Variants in LRRK1 observed in about 807,000 individuals in gnomAD.
The protein encoded by LRRK1 is leucine rich repeat kinase 1.
In LRRK1, 113 loss-of-function variants were observed where a neutral mutation model predicts 209.1. The ratio of observed to expected loss-of-function variants is 0.54; its 90% CI spans 0.46 to 0.63. The LOEUF (loss-of-function observed/expected upper bound fraction) is 0.63, where lower values mean the gene tolerates loss of function less well. Among genes scored for constraint, LRRK1 ranks in the 30% least tolerant of loss-of-function variants. The pLI is 0.00. For synonymous variants in LRRK1, 1,144 were observed against 1,099.7 expected (o/e 1.04, Z -0.80); for missense variants, 2,284 against 2,632.2 (o/e 0.87, Z 2.89).
intron 2 of LRRK1, among the ~76,000 whole-genome samples, chr15:100,931,235 T>C (rs1217787131): frequency 2.0e-5 from 3 of 152,224 alleles, no homozygotes; most frequent in Non-Finnish European, 4.4e-5. Context: ...CTAATGCTGC[T>C]GGGGTTGTGC....
chr15:101,032,076 T>A (rs923005004), intron 20 of LRRK1, among the ~76,000 whole-genome samples: 2 of 152,210 alleles, frequency 1.3e-5, no homozygotes, highest in Non-Finnish European at 2.9e-5. Flanking sequence ...TGATTTTAGC[T>A]ATTCCAGTGG....
At chr15:101,036,406 A>G (rs1168703673) in intron 20 of LRRK1, among the ~76,000 whole-genome samples, 1 of 151,932 alleles carries the variant, frequency 6.6e-6, no homozygotes, top group Non-Finnish European at 1.5e-5. Context: ...AATGTATTTT[A>G]TATTTCACTC....
intron 26 of LRRK1, 144 bp downstream of exon 26, chr15:101,053,564 T>C (rs2035609964): frequency 2.8e-6 from 2 of 721,808 alleles, no homozygotes; most frequent in Non-Finnish European, 2.2e-6. Context: ...ATCCCCTGGC[T>C]GCGAGGCCAG....
chr15:101,048,387 TG>T, intron 21 of LRRK1, 106 bp from the exon 22 acceptor site: 1 of 946,530 alleles, frequency 1.1e-6, no homozygotes, highest in Non-Finnish European at 1.6e-6. Context: ...GTGGGAAAGA[TG>T]GGGGACATTT....
In LRRK1 at chr15:100,945,305, G is replaced by A. The variant is rs146324412; in HGVS notation, c.97+20576G>A. Among the ~76,000 whole-genome samples, 431 of 152,182 alleles carry A rather than the reference G, an allele frequency of 2.8e-3. 4 individuals carry two copies. Among genetic ancestry groups the A allele is most frequent in the African/African-American group, 0.01 (419 of 41,516 alleles). On this transcript the variant is annotated intron_variant, in intron 2 of 33. Transcript: ENST00000388948. The stretch of plus-strand genomic sequence containing the variant: ...AACATGTGTGCGTGTCTGTTTCCCA[G>A]TGGCTGACAAGTATTTATTACCAAA...
chr15:101,067,744 A>G (rs1456932187), intron 33 of LRRK1, among the ~76,000 whole-genome samples: 3 of 152,212 alleles, frequency 2.0e-5, no homozygotes, highest in Non-Finnish European at 4.4e-5. Flanking sequence ...GAGCTCTGGC[A>G]GAGCCTGTGG....
At chr15:100,975,649 A>G (rs2031250647) in intron 3 of LRRK1, among the ~76,000 whole-genome samples, 1 of 152,256 alleles carries the variant, frequency 6.6e-6, no homozygotes, top group Non-Finnish European at 1.5e-5. Context: ...GTAAAATTAT[A>G]GTTCCAAAAA....
At chr15:100,994,428 T>C (rs908665677) in intron 6 of LRRK1, among the ~76,000 whole-genome samples, 23 of 152,144 alleles carry the variant, frequency 1.5e-4, no homozygotes, top group Admixed American at 1.0e-3. Context: ...TCCAGGTGAT[T>C]CCAATGTGCA....
rs1021952132 is a variant in LRRK1, at chr15:101,072,895, G to A, written c.*4047G>A. The stretch of plus-strand genomic sequence containing the variant: ...CAGCCTTGTTGCTCACACAAAGCCT[G>A]TTTGGTGGTCTCTTCACATGGACGT... On this transcript the variant is annotated 3_prime_UTR_variant, in exon 34 of 34. Transcript: ENST00000388948. 6.6e-6 allele frequency: 1 copy of A among 152,498 alleles called. No individual in the cohort carries two copies. The highest frequency in any genetic ancestry group is 2.4e-5 in the African/African-American group (1 of 41,194). The allele number at this position is 152,498 out of a possible 1,614,324, so 9.4% of individuals were successfully genotyped here. A position where few individuals can be genotyped will look rare whatever the true frequency, so the allele number is the denominator to read the frequency against.
At chr15:101,065,197 C>A in intron 31 of LRRK1, 155 bp from the exon 32 acceptor site, 1 of 773,598 alleles carries the variant, frequency 1.3e-6, no homozygotes, top group Non-Finnish European at 2.1e-6. Flanking sequence ...TAGGAGTAGC[C>A]CCGGCCTTTC....
chr15:100,985,412 T>A (rs1446520273), intron 4 of LRRK1, among the ~76,000 whole-genome samples: 1 of 152,128 alleles, frequency 6.6e-6, no homozygotes, highest in Non-Finnish European at 1.5e-5. Flanking sequence ...AGACAGATAA[T>A]TTTTTTAAAG....
chr15:101,026,016 A>G lies in LRRK1; in HGVS notation c.2284A>G (p.Ile762Val). ...VLVVGTHLDL[I>V]EAKFRVERIA... ...GGTGGTCGGGACGCACCTGGATTTA[A>G]TTGAAGCCAAGTTCCGTGTGGAAAG... The change falls in exon 17 of 34, where the codon ATT becomes GTT. Residue 762 changes from isoleucine to valine, a missense_variant. Around this residue, in one of 6 missense-constraint regions of LRRK1, gnomAD observed 780 missense variants for 985.2 expected, o/e 0.79. Coordinates refer to ENST00000388948, the MANE Select transcript of LRRK1 (RefSeq NM_024652.6). 1 of 1,614,250 alleles carries G rather than the reference A, an allele frequency of 6.2e-7. No homozygotes were observed. The highest frequency in any genetic ancestry group is 8.5e-7 in the Non-Finnish European group (1 of 1,180,048).
At chr15:101,054,900 CA>C (rs1396912544) in intron 26 of LRRK1, 45 bp from the exon 27 acceptor site, 2 of 1,491,470 alleles carry the variant, frequency 1.3e-6, no homozygotes, top group Non-Finnish European at 1.8e-6. Flanking sequence ...TTGATTCTAT[CA>C]AAACTGAAAT....
intron 9 of LRRK1, among the ~76,000 whole-genome samples, chr15:101,011,116 G>A (rs1417142191): frequency 6.6e-6 from 1 of 152,060 alleles, no homozygotes; most frequent in Non-Finnish European, 1.5e-5. Flanking sequence ...CCCTGGCACA[G>A]GACGACTCAT....
At chr15:100,936,682 A>G (rs1300208197) in intron 2 of LRRK1, among the ~76,000 whole-genome samples, 4 of 152,092 alleles carry the variant, frequency 2.6e-5, no homozygotes, top group African/African-American at 4.8e-5. Flanking sequence ...GGCTGCTTCT[A>G]TGGGGCAACT....
rs182233462 is a variant in LRRK1 at position 100,933,257 on chromosome 15, C to G, written c.97+8528C>G. Among the ~76,000 whole-genome samples, 4 of 152,286 alleles carry G rather than the reference C, an allele frequency of 2.6e-5. No homozygotes were observed. In the East Asian group the frequency reaches 7.7e-4, roughly 29 times the overall value. ...CCTGGTTTTCCCTTTCAGAAGCTTT[C>G]AGAATCTTCCCTGTGTGCTTGGTCT... On this transcript the variant is annotated intron_variant, in intron 2 of 33. Coordinates refer to ENST00000388948, the MANE Select transcript of LRRK1 (RefSeq NM_024652.6).
chr15:101,062,230 G>A (rs1263196143), intron 30 of LRRK1, among the ~76,000 whole-genome samples: 1 of 152,252 alleles, frequency 6.6e-6, no homozygotes, highest in East Asian at 1.9e-4. Context: ...GAAGAACAGT[G>A]AGAAGACAGC....
At chr15:100,951,406 C>G (rs1326604519) in intron 2 of LRRK1, among the ~76,000 whole-genome samples, 1 of 152,096 alleles carries the variant, frequency 6.6e-6, no homozygotes, top group Non-Finnish European at 1.5e-5. Context: ...TTTGAACATG[C>G]AATTACCATA....
At position 101,004,652 on chromosome 15, in the gene LRRK1, G is replaced by C. The variant is rs570652771; in HGVS notation, c.763-4185G>C. On this transcript the variant is annotated intron_variant, in intron 6 of 33. Coordinates refer to ENST00000388948, the MANE Select transcript of LRRK1 (RefSeq NM_024652.6). ...AGGTTAATACAAAGTGTCTCAAGCT[G>C]AACAGAGCCCAAAAAAGTGCTCACC... 3.4e-4 allele frequency among the ~76,000 whole-genome samples: 52 copies of C among 152,292 alleles called. 1 individual carries two copies. In the South Asian group the frequency reaches 0.011, roughly 32 times the overall value.
Sources: allele counts gnomAD v4.1 joint callset (sites outside exome capture counted in the v4.1 genomes callset), GRCh38; gene constraint gnomAD v4.1.1; regional missense constraint gnomAD v4.1.1; transcripts MANE v1.5; gene names NCBI Gene and HGNC (gene_info 2026-07-23, HGNC 2026-07-21).